Variants in SORBS2 observed in about 807,000 individuals in gnomAD.
The protein encoded by SORBS2 is sorbin and SH3 domain containing 2, also known as sorbin and SH3 domain-containing protein 2.
A neutral mutation model predicts 97.7 loss-of-function variants in SORBS2; 46 were observed. The ratio of observed to expected loss-of-function variants is 0.47; its 90% CI spans 0.37 to 0.60. The LOEUF is 0.60. Among genes scored for constraint, SORBS2 ranks in the 20% least tolerant of loss-of-function variants. The pLI is 0.00. For synonymous variants in SORBS2, 476 were observed against 473.4 expected (o/e 1.01, Z -0.07); for missense variants, 1,316 against 1,282.3 (o/e 1.03, Z -0.40).
chr4:185,688,518 A>C (rs923367603), intron 2 of SORBS2, among the ~76,000 whole-genome samples: 7 of 152,060 alleles, frequency 4.6e-5, no homozygotes. Context: ...AGATAGATAG[A>C]TAGATAGATA....
intron 1 of SORBS2, among the ~76,000 whole-genome samples, chr4:185,844,732 A>G (rs1427904545): frequency 6.6e-6 from 1 of 152,258 alleles, no homozygotes; most frequent in Non-Finnish European, 1.5e-5. Flanking sequence ...GAATGAATAA[A>G]GAAAAGATGG....
chr4:185,662,225 A>T, exon 5 of SORBS2: 1 of 1,610,210 alleles, frequency 6.2e-7, no homozygotes, highest in Non-Finnish European at 8.5e-7. Context: ...CTGAGTTTCC[A>T]TTCACTGTTA....
intron 2 of SORBS2, among the ~76,000 whole-genome samples, chr4:185,688,286 C>T (rs1181965704): frequency 1.3e-5 from 2 of 151,700 alleles, no homozygotes; most frequent in East Asian, 1.9e-4. Flanking sequence ...GCTTTTTAGC[C>T]GTGGTGACCA....
chr4:185,912,234 T>C (rs2099255533), intron 1 of SORBS2, among the ~76,000 whole-genome samples: 1 of 152,208 alleles, frequency 6.6e-6, no homozygotes, highest in African/African-American at 2.4e-5. Context: ...AGGTAATTTA[T>C]TTGAAGCATC....
At chr4:185,820,669 A>AG (rs1268922429) in intron 1 of SORBS2, among the ~76,000 whole-genome samples, 1 of 152,218 alleles carries the variant, frequency 6.6e-6, no homozygotes, top group African/African-American at 2.4e-5. Context: ...GCCGACACAC[A>AG]GGGCCCTTTA....
intron 2 of SORBS2, among the ~76,000 whole-genome samples, chr4:185,728,110 C>A (rs995591979): frequency 2.0e-5 from 3 of 152,056 alleles, no homozygotes; most frequent in African/African-American, 7.2e-5. Context: ...CTTTCTGAGT[C>A]TGCGGGTCTA....
intron 1 of SORBS2, among the ~76,000 whole-genome samples, chr4:185,827,741 C>CCAT (rs1185543217): frequency 1.3e-4 from 3 of 23,862 alleles, no homozygotes; most frequent in Admixed American, 4.7e-4. Flanking sequence ...ATCATCATCA[C>CCAT]CATCATCACC....
At chr4:185,662,300 T>A in intron 4 of SORBS2, 58 bp from the exon 8 acceptor site, 2 of 1,507,106 alleles carry the variant, frequency 1.3e-6, no homozygotes, top group Non-Finnish European at 1.8e-6. Flanking sequence ...GTAAACATCA[T>A]TCCATTAGGT....
chr4:185,604,764 G>A (rs894584091), intron 12 of SORBS2, among the ~76,000 whole-genome samples: 5 of 152,150 alleles, frequency 3.3e-5, no homozygotes, highest in African/African-American at 1.2e-4. Flanking sequence ...CTGGAGATAG[G>A]AACACCTATA....
intron 1 of SORBS2, among the ~76,000 whole-genome samples, chr4:185,946,061 A>G (rs915200896): frequency 1.3e-5 from 2 of 152,096 alleles, no homozygotes; most frequent in Non-Finnish European, 2.9e-5. Context: ...AAGTTTAAGA[A>G]AGTTACTAAC....
At chr4:185,819,879 A>G (rs1162530983) in intron 1 of SORBS2, among the ~76,000 whole-genome samples, 2 of 152,170 alleles carry the variant, frequency 1.3e-5, no homozygotes, top group East Asian at 1.9e-4. Context: ...AAATAAATAA[A>G]TGGTGTGGAT....
At chr4:185,830,109 T>C (rs2099204321) in intron 1 of SORBS2, among the ~76,000 whole-genome samples, 1 of 152,218 alleles carries the variant, frequency 6.6e-6, no homozygotes. Flanking sequence ...GATTATACAT[T>C]TGTACTGGTG....
chr4:185,846,011 A>G (rs115121990), intron 1 of SORBS2, among the ~76,000 whole-genome samples: 3,026 of 152,374 alleles, frequency 0.02, 43 homozygotes, highest in Non-Finnish European at 0.032. Flanking sequence ...ACTGTTAAAC[A>G]TAAACTTCAT....
intron 1 of SORBS2, among the ~76,000 whole-genome samples, chr4:185,872,009 C>G (rs1247160225): frequency 6.6e-6 from 1 of 152,186 alleles, no homozygotes; most frequent in African/African-American, 2.4e-5. Context: ...TACTTTTAAA[C>G]ATTTATTTTC....
At position 185,635,424 on chromosome 4, in the gene SORBS2, G is replaced by A. The variant is rs779137960; in HGVS notation, c.397-4826C>T. 57 of 1,606,770 alleles carry A rather than the reference G, an allele frequency of 3.5e-5. No homozygotes were observed. Among genetic ancestry groups the A allele is most frequent in the East Asian group, 1.3e-4 (6 of 44,812 alleles). ...GCTTTTTAGGAGGCTGGGTGTAGAC[G>A]CACCACAGAAGCAGAAGTGTAGGGA... On this transcript the variant is annotated intron_variant, in intron 4 of 14. Transcript: ENST00000418609.
intron 2 of SORBS2, among the ~76,000 whole-genome samples, chr4:185,696,009 T>G (rs1337219769): frequency 6.6e-6 from 1 of 152,214 alleles, no homozygotes; most frequent in African/African-American, 2.4e-5. Flanking sequence ...CCTGAAAATG[T>G]TCCTTATTAT....
At chr4:185,930,667 C>T (rs2099265989) in intron 1 of SORBS2, among the ~76,000 whole-genome samples, 1 of 152,150 alleles carries the variant, frequency 6.6e-6, no homozygotes, top group South Asian at 2.1e-4. Context: ...GATATTTCTC[C>T]TTATCACTAT....
At chr4:185,677,184 G>T in intron 4 of SORBS2, 1 of 1,551,706 alleles carries the variant, frequency 6.4e-7, no homozygotes, top group Non-Finnish European at 8.7e-7. Context: ...TGGATTAGGG[G>T]TCAGTGAGCG....
chr4:185,779,677 G>A (rs973240732), intron 1 of SORBS2, among the ~76,000 whole-genome samples: 1 of 152,178 alleles, frequency 6.6e-6, no homozygotes, highest in African/African-American at 2.4e-5. Context: ...TTGTTTTCTA[G>A]AGAACATTCT....
Sources: allele counts gnomAD v4.1 joint callset (sites outside exome capture counted in the v4.1 genomes callset), GRCh38; gene constraint gnomAD v4.1.1; transcripts MANE v1.5; gene names NCBI Gene and HGNC (gene_info 2026-07-23, HGNC 2026-07-21).